Variants in TOX3 observed in about 807,000 individuals in gnomAD.
TOX3 encodes the protein CAG trinucleotide repeat-containing gene F9 protein.
A neutral mutation model predicts 64.3 loss-of-function variants in TOX3; 22 were observed. The observed-to-expected ratio is 0.34, with a 90% CI of 0.24 to 0.49. TOX3 has a LOEUF of 0.49. Among genes scored for constraint, TOX3 ranks in the 20% least tolerant of loss-of-function variants. The pLI, the probability that TOX3 is intolerant of heterozygous loss-of-function variation, is 0.99. For synonymous variants in TOX3, 291 were observed against 273.6 expected, an observed-to-expected ratio of 1.06 and a Z score of -0.63; for missense variants, 661 against 714.4, an observed-to-expected ratio of 0.93 and a Z score of 0.85.
chr16:52,523,062 T>C (rs969928199), intron 1 of TOX3, among the ~76,000 whole-genome samples: 2 of 152,016 alleles, frequency 1.3e-5, no homozygotes, highest in African/African-American at 4.8e-5. Context: ...TGAATGGTAG[T>C]AAGTGCCTGG....
chr16:52,489,977 A>ACTGCACCTGGAGTTACC (rs1961632375), intron 1 of TOX3, among the ~76,000 whole-genome samples: 2 of 152,110 alleles, frequency 1.3e-5, no homozygotes, highest in Non-Finnish European at 2.9e-5. Flanking sequence ...CATCCTCCAC[A>ACTGCACCTGGAGTTACC]CTGCACCTGG....
At chr16:52,513,304 G>A (rs1176736112) in intron 1 of TOX3, among the ~76,000 whole-genome samples, 2 of 152,090 alleles carry the variant, frequency 1.3e-5, no homozygotes, top group African/African-American at 4.8e-5. Context: ...GAAACATTTG[G>A]GTTATAACTG....
intron 1 of TOX3, among the ~76,000 whole-genome samples, chr16:52,490,566 T>C (rs1961653023): frequency 6.6e-6 from 1 of 151,252 alleles, no homozygotes; most frequent in Non-Finnish European, 1.5e-5. Flanking sequence ...TAGTATATTT[T>C]TTAAATTGAA....
intron 1 of TOX3, among the ~76,000 whole-genome samples, chr16:52,477,160 G>A (rs1170227744): frequency 6.6e-6 from 1 of 152,100 alleles, no homozygotes; most frequent in Non-Finnish European, 1.5e-5. Context: ...CAGGCAAAAA[G>A]GAGGGAGTGA....
chr16:52,533,589 G>A (rs1459330080), intron 1 of TOX3, among the ~76,000 whole-genome samples: 2 of 152,076 alleles, frequency 1.3e-5, no homozygotes, highest in African/African-American at 4.8e-5. Flanking sequence ...CCCCTTTTGT[G>A]TTTATTTTTA....
intron 1 of TOX3, among the ~76,000 whole-genome samples, chr16:52,503,068 AC>A (rs1216186501): frequency 6.6e-6 from 1 of 152,202 alleles, no homozygotes; most frequent in Admixed American, 6.5e-5. Context: ...AAAACAGGCA[AC>A]TGGCCCATGG....
intron 3 of TOX3, among the ~76,000 whole-genome samples, chr16:52,459,334 AT>A (rs1487848108): frequency 7.9e-5 from 12 of 152,292 alleles, no homozygotes; most frequent in South Asian, 2.1e-4. Context: ...ATTAAAAAAA[AT>A]AACAACAAAC....
At chr16:52,488,543 T>C (rs1313093588) in intron 1 of TOX3, among the ~76,000 whole-genome samples, 3 of 152,184 alleles carry the variant, frequency 2.0e-5, no homozygotes, top group African/African-American at 7.2e-5. Flanking sequence ...GATGCAATTT[T>C]TTCTTCTTGC....
intron 1 of TOX3, among the ~76,000 whole-genome samples, chr16:52,524,156 G>C (rs1298253550): frequency 6.6e-6 from 1 of 152,144 alleles, no homozygotes; most frequent in Non-Finnish European, 1.5e-5. Context: ...TGGACATTAA[G>C]ATGCCATAAG....
At chr16:52,535,655 T>G (rs778212675) in intron 1 of TOX3, among the ~76,000 whole-genome samples, 18 of 152,222 alleles carry the variant, frequency 1.2e-4, no homozygotes, top group Non-Finnish European at 2.1e-4. Context: ...AGTTGAACCC[T>G]AATGTACCCT....
intron 1 of TOX3, among the ~76,000 whole-genome samples, chr16:52,487,062 A>T (rs1212482417): frequency 6.6e-6 from 1 of 151,446 alleles, no homozygotes; most frequent in Non-Finnish European, 1.5e-5. Flanking sequence ...CTGTGTAGAT[A>T]AAGAGTCCAA....
At chr16:52,454,115 A>T (rs146320265) in intron 3 of TOX3, among the ~76,000 whole-genome samples, 163 of 152,270 alleles carry the variant, frequency 1.1e-3, no homozygotes, top group African/African-American at 3.7e-3. Flanking sequence ...TTCACGGTAG[A>T]GGCATGTCCC....
chr16:52,444,699 CAAG>C lies in TOX3; in HGVS notation c.907-346_907-344del, dbSNP rs562988226. On this transcript the variant is annotated intron_variant, in intron 5 of 6. Transcript: ENST00000219746. ...CATGCTAAGGCAATAAATAAGGTAG[CAAG>C]AAGAATAAGCTTTGCTGCAAATGGC... 2.1e-3 allele frequency: 387 copies of C among 188,386 alleles called. 1 individual carries two copies. Among genetic ancestry groups the C allele is most frequent in the African/African-American group, 8.7e-3 (372 of 42,970 alleles). The allele number at this position is 188,386 out of a possible 1,614,324, so 11.7% of individuals were successfully genotyped here.
intron 1 of TOX3, among the ~76,000 whole-genome samples, chr16:52,533,657 T>A (rs1185121927): frequency 2.0e-5 from 3 of 152,076 alleles, no homozygotes; most frequent in Non-Finnish European, 4.4e-5. Flanking sequence ...AGTCTTAATT[T>A]CACATTAATT....
chr16:52,479,096 TGGA>T (rs1196584293), intron 1 of TOX3, among the ~76,000 whole-genome samples: 3 of 152,228 alleles, frequency 2.0e-5, no homozygotes, highest in Non-Finnish European at 4.4e-5. Context: ...AGGTACTACG[TGGA>T]GGAGGTATTT....
intron 1 of TOX3, among the ~76,000 whole-genome samples, chr16:52,512,466 C>A (rs1206352796): frequency 6.6e-6 from 1 of 152,214 alleles, no homozygotes; most frequent in Non-Finnish European, 1.5e-5. Context: ...CTCAATACAT[C>A]CATTCATGCA....
chr16:52,454,852 A>C (rs73583131), intron 3 of TOX3, among the ~76,000 whole-genome samples: 5,567 of 152,298 alleles, frequency 0.037, 336 homozygotes, highest in African/African-American at 0.13. Flanking sequence ...ACTACAACAT[A>C]ATGTAGGCCA....
At position 52,510,484 on chromosome 16, in the gene TOX3, G is replaced by A. The variant is rs922095916; in HGVS notation, c.87+36153C>T. On this transcript the variant is annotated intron_variant, in intron 1 of 6. Transcript: ENST00000219746. ...AAGAAAATTTGTCTTGGCCAACTGC[G>A]GTGGCTCACGCCTGTAATCCCAGCA... Among the ~76,000 whole-genome samples, 9 of 152,192 alleles carry A rather than the reference G, an allele frequency of 5.9e-5. No homozygotes were observed. The East Asian group carries it at 7.7e-4, about 13-fold the overall frequency.
Position 52,464,056 on chromosome 16 carries a change from G to T in TOX3, c.286C>A (p.Pro96Thr). 1 of 1,603,462 alleles carries T rather than the reference G, an allele frequency of 6.2e-7. No individual in the cohort carries two copies. Among genetic ancestry groups the T allele is most frequent in the Non-Finnish European group, 8.5e-7 (1 of 1,175,368 alleles). ...LPFQALSDPL[P>T]SQGSEFTPQF... ...GGTGTGAATTCACTTCCCTGGGAAG[G>T]CAATGGATCGCTGAGGGCTTGAAAG... The change falls in exon 3 of 7, where the codon CCT becomes ACT. Residue 96 changes from proline (P) to threonine (T), a missense_variant. Around this residue, in one of 3 missense-constraint regions of TOX3, gnomAD observed 259 missense variants for 261.2 expected, o/e 0.99. Coordinates refer to ENST00000219746, the MANE Select transcript of TOX3 (RefSeq NM_001080430.4).
Sources: gnomAD v4.1 joint callset for allele counts (sites outside exome capture counted in the v4.1 genomes callset) on GRCh38, gnomAD v4.1.1 for gene constraint, gnomAD v4.1.1 regional missense constraint, MANE v1.5 for transcripts, NCBI Gene and HGNC (gene_info 2026-07-23, HGNC 2026-07-21) for gene names.